Variants in TBXT observed in about 807,000 individuals in gnomAD.
The protein encoded by TBXT is T brachyury transcription factor.
In TBXT, 19 loss-of-function variants were observed where a neutral mutation model predicts 41.1. The ratio of observed to expected loss-of-function variants is 0.46; its 90% CI spans 0.32 to 0.68. The LOEUF is 0.68. TBXT is among the 30% of genes least tolerant of loss of function. The pLI is 0.03. For missense variants in TBXT, 536 were observed against 582.0 expected (o/e 0.92, Z 0.81); for synonymous variants, 213 against 238.9 (o/e 0.89, Z 1.00).
chr6:166,163,091 G>A (rs1294363027), intron 5 of TBXT, among the ~76,000 whole-genome samples: 1 of 152,188 alleles, frequency 6.6e-6, no homozygotes, highest in Non-Finnish European at 1.5e-5. Flanking sequence ...ATTGCTTTGA[G>A]ATCTACTATT....
chr6:166,164,500 G>T, intron 5 of TBXT, 105 bp downstream of exon 5: 2 of 1,364,960 alleles, frequency 1.5e-6, no homozygotes, highest in African/African-American at 1.4e-5. Flanking sequence ...TTACATCCCA[G>T]GCACACCCAG....
rs759343495 is a variant in TBXT, at chr6:166,162,513, G to A, written c.841C>T (p.Pro281Ser). 14 of 1,614,146 alleles carry A rather than the reference G, an allele frequency of 8.7e-6. No individual in the cohort carries two copies. The highest frequency in any genetic ancestry group is 2.7e-5 in the African/African-American group (2 of 75,028). The change falls in exon 6 of 8, where the codon CCA becomes TCA. Residue 281 changes from proline (P) to serine (S), a missense_variant. Coordinates refer to ENST00000366876, the MANE Select transcript of TBXT (RefSeq NM_001366285.2). The stretch of plus-strand genomic sequence containing the variant: ...GAGGACCGGTGGCTCCTCAGGGTTG[G>A]GTACCTGTCACAGCTGTGCGTGGAG... The part of the protein sequence containing the change: ...LPSTHSCDRY[P>S]TLRSHRSSPY...
In TBXT at chr6:166,158,474, G is replaced by A. The variant is rs746996355; in HGVS notation, c.1152C>T (p.Tyr384=). 3.7e-6 allele frequency: 6 copies of A among 1,613,754 alleles called. No individual in the cohort carries two copies. The highest frequency in any genetic ancestry group is 1.1e-5 in the South Asian group (1 of 91,078). Residue 384 remains tyrosine, a synonymous_variant, in exon 8 of 8, where the codon TAC becomes TAT. Coordinates refer to ENST00000366876, the MANE Select transcript of TBXT (RefSeq NM_001366285.2). ...AQFFRGSPAH[Y]TPLTHPVSAP... Reference sequence around the variant, plus strand: ...CCGAGACCGGATGGGTGAGGGGTGTGTAGTGCGCGGGGGAGCCCCGGAAGA... The same window carrying A: ...CCGAGACCGGATGGGTGAGGGGTGTATAGTGCGCGGGGGAGCCCCGGAAGA...
rs1319981599 is a variant in TBXT, at chr6:166,166,547, C to T, written c.471+45G>A. ...CCCCCGTGCAGAAGGCGCAGCGCGG[C>T]CCCCTCCTCGCTGGTCCCAGACCTG... On this transcript the variant is annotated intron_variant, in intron 2 of 7. Transcript: ENST00000366876. The T allele has an allele frequency of 2.5e-6, 4 of 1,608,844 alleles. No homozygotes were observed. The South Asian group carries it at 3.3e-5, about 13-fold the overall frequency.
At chr6:166,162,311 T>G in intron 6 of TBXT, 136 bp downstream of exon 6, 1 of 953,420 alleles carries the variant, frequency 1.0e-6, no homozygotes, top group East Asian at 2.5e-5. Context: ...CTTGAGCTAC[T>G]AAAAAACTGG....
Position 166,166,700 on chromosome 6 carries a change from G to A in TBXT, c.363C>T (p.Ser121=), listed in dbSNP as rs1056048. The change falls in exon 2 of 8, where the codon AGC becomes AGT. Residue 121 remains serine (S), a synonymous_variant. Transcript: ENST00000366876. ...PGGKPEPQAP[S]CVYIHPDSPN... is the part of the protein sequence containing the mutation. ...GCGAGTCGGGGTGGATGTAGACGCA[G>A]CTGGGCGCCTGCGGCTCCGGCTTGC... 0.21 allele frequency: 341,746 copies of A among 1,613,756 alleles called. 38,437 individuals carry two copies. The highest frequency in any genetic ancestry group is 0.37 in the African/African-American group (27,731 of 74,986).
In TBXT at chr6:166,167,735, C is replaced by T. The variant is rs1418662687; in HGVS notation, c.-144G>A. The T allele has an allele frequency of 1.9e-6, 2 of 1,063,572 alleles. No homozygotes were observed. The highest frequency in any genetic ancestry group is 3.0e-4 in the Middle Eastern group (1 of 3,348). 65.9% of individuals were successfully genotyped at this position (1,063,572 alleles called of 1,614,324 possible). On this transcript the variant is annotated 5_prime_UTR_variant, in exon 1 of 8. Coordinates refer to ENST00000366876, the MANE Select transcript of TBXT (RefSeq NM_001366285.2). Reference sequence around the variant, plus strand: ...GCGACGGCTCCCGGGTCCCGGGTCCCGGCACAGACCCGGGAGGAGGGCGCG... The same window carrying T: ...GCGACGGCTCCCGGGTCCCGGGTCCTGGCACAGACCCGGGAGGAGGGCGCG...
At chr6:166,161,649 G>T (rs545832310) in intron 6 of TBXT, among the ~76,000 whole-genome samples, 1 of 152,322 alleles carries the variant, frequency 6.6e-6, no homozygotes, top group Non-Finnish European at 1.5e-5. Flanking sequence ...CTGGCCAGGC[G>T]TGGTGGCTCA....
rs1020778753 is a variant in TBXT, at chr6:166,158,563, T to A, written c.1063A>T (p.Ser355Cys). The change falls in exon 8 of 8, where the codon AGC becomes TGC. Residue 355 changes from serine to cysteine, a missense_variant. Physicochemically the swap from Ser to Cys is moderately radical, Grantham distance 112 (BLOSUM62 -1). Coordinates refer to ENST00000366876, the MANE Select transcript of TBXT (RefSeq NM_001366285.2). Reference protein sequence around the residue: ...SSQYPSLWSVSNGAVTPGSQA... With the variant: ...SSQYPSLWSVCNGAVTPGSQA... Reference sequence around the variant, plus strand: ...GAGCCCGGGGTGACGGCGCCGTTGCTCACAGACCACAGGCTGGGGTACTGA... The same window carrying A: ...GAGCCCGGGGTGACGGCGCCGTTGCACACAGACCACAGGCTGGGGTACTGA... 6.3e-7 allele frequency: 1 copy of A among 1,575,312 alleles called. No individual in the cohort carries two copies. Among genetic ancestry groups the A allele is most frequent in the African/African-American group, 1.3e-5 (1 of 74,234 alleles).
upstream of TBXT, among the ~76,000 whole-genome samples, chr6:166,168,093 C>A (rs973436696): frequency 1.3e-5 from 2 of 152,056 alleles, no homozygotes; most frequent in East Asian, 3.9e-4. Context: ...CCTACACCCC[C>A]GCCCTTCTCC....
At chr6:166,167,182 C>A (rs1039029299) in intron 1 of TBXT, among the ~76,000 whole-genome samples, 1 of 152,028 alleles carries the variant, frequency 6.6e-6, no homozygotes, top group East Asian at 1.9e-4. Context: ...CCGAAGTGCG[C>A]GTTCCTCCTC....
At position 166,167,547 on chromosome 6, in the gene TBXT, G is replaced by A. The variant is rs770680343; in HGVS notation, c.45C>T (p.Tyr15=). 6 of 1,593,068 alleles carry A rather than the reference G, an allele frequency of 3.8e-6. No individual in the cohort carries two copies. The South Asian group carries it at 4.5e-5, about 12-fold the overall frequency. The change falls in exon 1 of 8, where the codon TAC becomes TAT. Residue 15 remains tyrosine, a synonymous_variant. Transcript: ENST00000366876. ...CGGCGCTCAGCAGGTGGTCCACTCG[G>A]TACTGCAGGCTCTTTCCCGCGCTCT... The part of the protein sequence containing the change: ...GTESAGKSLQ[Y]RVDHLLSAVE...
intron 6 of TBXT, 146 bp from the exon 7 acceptor site, chr6:166,161,112 G>T (rs910798000): frequency 1.2e-5 from 14 of 1,131,136 alleles, no homozygotes; most frequent in Non-Finnish European, 1.8e-5. Flanking sequence ...CAATCCATTA[G>T]TCTATTTACA....
In TBXT at chr6:166,158,505, G is replaced by A. The variant is rs1452502523; in HGVS notation, c.1121C>T (p.Ala374Val). Residue 374 changes from alanine to valine, a missense_variant, in exon 8 of 8, where the codon GCC (alanine) becomes GTC (valine). Coordinates refer to ENST00000366876, the MANE Select transcript of TBXT (RefSeq NM_001366285.2). ...QAAAVSNGLGAQFFRGSPAHY... is the reference protein window; with the variant it reads ...QAAAVSNGLGVQFFRGSPAHY... Reference sequence around the variant, plus strand: ...CGCGGGGGAGCCCCGGAAGAACTGGGCCCCCAGCCCGTTGGACACGGCTGC... The same window carrying A: ...CGCGGGGGAGCCCCGGAAGAACTGGACCCCCAGCCCGTTGGACACGGCTGC... 2.5e-6 allele frequency: 4 copies of A among 1,607,416 alleles called. No homozygotes were observed. The highest frequency in any genetic ancestry group is 1.3e-5 in the African/African-American group (1 of 74,116).
rs567888404 is a variant in TBXT, at chr6:166,167,825, C to G, written c.-234G>C. 875 of 600,806 alleles carry G rather than the reference C, an allele frequency of 1.5e-3. 4 individuals carry two copies. The African/African-American group carries it at 0.015, about 10-fold the overall frequency. The allele number at this position is 600,806 out of a possible 1,614,324, so 37.2% of individuals were successfully genotyped here. On this transcript the variant is annotated 5_prime_UTR_variant, in exon 1 of 8. Coordinates refer to ENST00000366876, the MANE Select transcript of TBXT (RefSeq NM_001366285.2). The stretch of plus-strand genomic sequence containing the variant: ...GGGAGAAGTTATTCCACTTGAACTC[C>G]CCAAGGCTCTACTAGTGTAGGTCTC...
At chr6:166,159,916 C>T (rs905904187) in intron 7 of TBXT, among the ~76,000 whole-genome samples, 6 of 151,538 alleles carry the variant, frequency 4.0e-5, no homozygotes, top group African/African-American at 1.2e-4. Flanking sequence ...CTGAAAGCTT[C>T]GCTTGTTTAC....
At chr6:166,164,551 G>A in intron 5 of TBXT, 54 bp downstream of exon 5, 1 of 1,600,302 alleles carries the variant, frequency 6.2e-7, no homozygotes, top group Non-Finnish European at 8.6e-7. Flanking sequence ...CCAGCTCTCA[G>A]CAAGTCTAGT....
At chr6:166,163,923 G>T (rs961514187) in intron 5 of TBXT, among the ~76,000 whole-genome samples, 1 of 152,218 alleles carries the variant, frequency 6.6e-6, no homozygotes, top group South Asian at 2.1e-4. Context: ...CTACAGAATA[G>T]AAAATGCCTG....
chr6:166,167,726 C>G lies in TBXT; in HGVS notation c.-135G>C. On this transcript the variant is annotated 5_prime_UTR_variant, in exon 1 of 8. Coordinates refer to ENST00000366876, the MANE Select transcript of TBXT (RefSeq NM_001366285.2). ...CCGAGACCTGCGACGGCTCCCGGGT[C>G]CCGGGTCCCGGCACAGACCCGGGAG... 8.4e-7 allele frequency: 1 copy of G among 1,187,924 alleles called. No individual in the cohort carries two copies. The highest frequency in any genetic ancestry group is 1.2e-6 in the Non-Finnish European group (1 of 842,522). 73.6% of individuals were successfully genotyped at this position (1,187,924 alleles called of 1,614,324 possible).
Sources: gnomAD v4.1 joint callset for allele counts (sites outside exome capture counted in the v4.1 genomes callset) on GRCh38, gnomAD v4.1.1 for gene constraint, MANE v1.5 for transcripts, NCBI Gene and HGNC (gene_info 2026-07-23, HGNC 2026-07-21) for gene names.